The following RSU1 variants were observed in gnomAD, a reference collection of about 807,000 sequenced individuals.
The protein encoded by RSU1 is Ras suppressor protein 1, also known as rsu-1.
In RSU1, 26 loss-of-function variants were observed where a neutral mutation model predicts 31.1. The observed-to-expected ratio is 0.84, with a 90% CI of 0.61 to 1.16. The LOEUF (loss-of-function observed/expected upper bound fraction) is 1.16, where lower values mean the gene tolerates loss of function less well. Ranked by LOEUF, RSU1 falls within the 50% of genes most tolerant of loss-of-function variation. RSU1 has a pLI of 0.00. For missense variants in RSU1, 320 were observed against 339.1 expected (o/e 0.94, Z 0.44); for synonymous variants, 164 against 136.3 (o/e 1.20, Z -1.41).
At chr10:16,707,886 CT>C (rs200326390) in intron 7 of RSU1, among the ~76,000 whole-genome samples, 1,956 of 151,788 alleles carry the variant, frequency 0.013, 23 homozygotes, top group Non-Finnish European at 0.022. Context: ...TTTGATTTTT[CT>C]TTTTTTTGGT....
chr10:16,753,235 G>A (rs1357670472), intron 5 of RSU1, among the ~76,000 whole-genome samples: 3 of 152,188 alleles, frequency 2.0e-5, no homozygotes, highest in Non-Finnish European at 2.9e-5. Context: ...ATTAACAACT[G>A]TGGGCGCCAG....
At chr10:16,622,853 C>G (rs1246324286) in intron 8 of RSU1, among the ~76,000 whole-genome samples, 1 of 152,144 alleles carries the variant, frequency 6.6e-6, no homozygotes, top group Non-Finnish European at 1.5e-5. Flanking sequence ...TGAACAGGAC[C>G]CACAGCGCTC....
At chr10:16,702,920 A>G (rs1455284340) in intron 7 of RSU1, among the ~76,000 whole-genome samples, 3 of 152,224 alleles carry the variant, frequency 2.0e-5, no homozygotes, top group Admixed American at 1.3e-4. Context: ...GCAAACCTCA[A>G]TGTCGGAGGG....
At chr10:16,710,596 A>G (rs1835998240) in intron 7 of RSU1, among the ~76,000 whole-genome samples, 1 of 136,410 alleles carries the variant, frequency 7.3e-6, no homozygotes, top group Non-Finnish European at 1.6e-5. Context: ...TTCTTCTTCA[A>G]ATGTTTTGTA....
chr10:16,660,899 A>C (rs1834877431), intron 8 of RSU1, among the ~76,000 whole-genome samples: 1 of 151,986 alleles, frequency 6.6e-6, no homozygotes. Context: ...CACCCACTGC[A>C]AACCTCCCAA....
In RSU1 at chr10:16,597,088, C is replaced by A. The variant is rs568794598; in HGVS notation, c.732-3592G>T. Among the ~76,000 whole-genome samples, 3 of 152,244 alleles carry A rather than the reference C, an allele frequency of 2.0e-5. No individual in the cohort carries two copies. The East Asian group carries it at 5.8e-4, about 29-fold the overall frequency. On this transcript the variant is annotated intron_variant, in intron 8 of 8. Transcript: ENST00000345264. Reference sequence around the variant, plus strand: ...TCATGCCCATGGAAACCTAGCAATACCCGAGTGTAAGGAAAGAGTCTTGGC... The same window carrying A: ...TCATGCCCATGGAAACCTAGCAATAACCGAGTGTAAGGAAAGAGTCTTGGC...
intron 7 of RSU1, among the ~76,000 whole-genome samples, chr10:16,732,511 C>T (rs2131601766): frequency 2.0e-5 from 3 of 152,342 alleles, no homozygotes; most frequent in Admixed American, 2.0e-4. Context: ...AGAAAGAGAG[C>T]TCTTGCCAGG....
In RSU1 at chr10:16,790,675, G is replaced by A. The variant is rs189118473; in HGVS notation, c.110-8591C>T. Among the ~76,000 whole-genome samples the A allele has an allele frequency of 2.9e-4, 44 of 152,236 alleles. No homozygotes were observed. The Middle Eastern group carries it at 0.014, about 47-fold the overall frequency. ...CTAAATTTCATGTTGAATTGTAATC[G>A]TTTGTGTTGAGGGAGGGACCTGGTG... On this transcript the variant is annotated intron_variant, in intron 2 of 8. Transcript: ENST00000345264.
chr10:16,792,348 T>G (rs1208745645), intron 2 of RSU1, among the ~76,000 whole-genome samples: 2 of 152,204 alleles, frequency 1.3e-5, no homozygotes, highest in African/African-American at 4.8e-5. Context: ...TTCTCCTGCC[T>G]CGGCCTCCCG....
chr10:16,704,753 T>C (rs1835860705), intron 7 of RSU1, among the ~76,000 whole-genome samples: 1 of 152,228 alleles, frequency 6.6e-6, no homozygotes, highest in African/African-American at 2.4e-5. Context: ...TCTTTTCTTT[T>C]TGATTAGTTT....
intron 8 of RSU1, among the ~76,000 whole-genome samples, chr10:16,659,743 C>T (rs1834855134): frequency 6.6e-6 from 1 of 152,204 alleles, no homozygotes; most frequent in Non-Finnish European, 1.5e-5. Flanking sequence ...TCTGACCCTT[C>T]ACTCTTCCAA....
chr10:16,760,446 T>C (rs776833616), intron 4 of RSU1, among the ~76,000 whole-genome samples: 3 of 150,494 alleles, frequency 2.0e-5, no homozygotes, highest in Non-Finnish European at 3.0e-5. Context: ...GAGGTGGAGG[T>C]TGCAGTGAGC....
intron 2 of RSU1, among the ~76,000 whole-genome samples, chr10:16,803,625 C>A (rs375483187): frequency 3.3e-5 from 5 of 152,114 alleles, no homozygotes; most frequent in African/African-American, 1.2e-4. Flanking sequence ...GTTGGTGAAA[C>A]AATAGACAAG....
intron 8 of RSU1, among the ~76,000 whole-genome samples, chr10:16,611,706 T>C (rs1221545420): frequency 6.6e-6 from 1 of 152,184 alleles, no homozygotes; most frequent in Admixed American, 6.5e-5. Context: ...GACACCTGTA[T>C]AGAGTTAACT....
At chr10:16,725,069 T>G (rs541271226) in intron 7 of RSU1, among the ~76,000 whole-genome samples, 1 of 152,206 alleles carries the variant, frequency 6.6e-6, no homozygotes, top group Non-Finnish European at 1.5e-5. Context: ...ACTCCAGTGG[T>G]GTTCTATTTC....
chr10:16,682,151 G>T (rs1485244961), intron 8 of RSU1, among the ~76,000 whole-genome samples: 2 of 152,164 alleles, frequency 1.3e-5, no homozygotes, highest in African/African-American at 2.4e-5. Flanking sequence ...TAGATGTGGT[G>T]ACCAGAGTCC....
At position 16,716,958 on chromosome 10, in the gene RSU1, G is replaced by T. The variant is rs181935802; in HGVS notation, c.599-21803C>A. 2.7e-3 allele frequency among the ~76,000 whole-genome samples: 406 copies of T among 152,222 alleles called. 3 individuals carry two copies. The highest frequency in any genetic ancestry group is 3.3e-3 in the Non-Finnish European group (226 of 68,010). ...AACCTCAAACCCTGTTGCTAAAAAA[G>T]TATGGGAATTTTTTCAGCCAATAGG... On this transcript the variant is annotated intron_variant, in intron 7 of 8. Transcript: ENST00000345264.
At chr10:16,752,719 T>C (rs556417703) in intron 6 of RSU1, 66 bp from the exon 7 acceptor site, 1 of 1,184,220 alleles carries the variant, frequency 8.4e-7, no homozygotes, top group African/African-American at 1.5e-5. Context: ...GAAACTCTCA[T>C]CCTCTATGTC....
At chr10:16,687,119 T>C (rs1167124373) in intron 8 of RSU1, among the ~76,000 whole-genome samples, 1 of 152,134 alleles carries the variant, frequency 6.6e-6, no homozygotes, top group Non-Finnish European at 1.5e-5. Flanking sequence ...TTCCAAGTCT[T>C]TATTTGCATC....
Sources: allele counts gnomAD v4.1 joint callset (sites outside exome capture counted in the v4.1 genomes callset), GRCh38; gene constraint gnomAD v4.1.1; transcripts MANE v1.5; gene names NCBI Gene and HGNC (gene_info 2026-07-23, HGNC 2026-07-21).